SPON1: variants seen among roughly 807,000 people sequenced by gnomAD.
SPON1 encodes spondin 1, also known as spondin-1.
A neutral mutation model predicts 111.7 loss-of-function variants in SPON1; 52 were observed. That is an observed-to-expected ratio of 0.47 (90% confidence interval 0.37 to 0.59). The LOEUF is 0.59. SPON1 is among the 20% of genes least tolerant of loss of function. The probability of loss-of-function intolerance (pLI) is 0.00; values close to 1 mark genes in which losing one functional copy is unlikely to be tolerated. For synonymous variants in SPON1, 410 were observed against 395.8 expected, an observed-to-expected ratio of 1.04 and a Z score of -0.43; for missense variants, 957 against 1,068.5, an observed-to-expected ratio of 0.90 and a Z score of 1.46.
Position 14,083,017 on chromosome 11 carries a change from T to C in SPON1, c.676+2996T>C, listed in dbSNP as rs116255543. Reference sequence around the variant, plus strand: ...CCCAACATAAGTGGTTTATATGGGTTATAGCCATCAATCTTCCATGTATCA... The same window carrying C: ...CCCAACATAAGTGGTTTATATGGGTCATAGCCATCAATCTTCCATGTATCA... On this transcript the variant is annotated intron_variant, in intron 5 of 15. Transcript: ENST00000576479. Among the ~76,000 whole-genome samples, 1,058 of 152,330 alleles carry C rather than the reference T, an allele frequency of 6.9e-3. 23 individuals carry two copies. Among genetic ancestry groups the C allele is most frequent in the African/African-American group, 0.025 (1,019 of 41,586 alleles).
chr11:14,155,098 TC>T (rs1334346148), intron 6 of SPON1, among the ~76,000 whole-genome samples: 1 of 152,216 alleles, frequency 6.6e-6, no homozygotes, highest in Non-Finnish European at 1.5e-5. Flanking sequence ...CAGCTTTTGG[TC>T]ACAACAATTT....
chr11:14,252,206 G>C (rs963203634), intron 7 of SPON1, among the ~76,000 whole-genome samples: 2 of 152,264 alleles, frequency 1.3e-5, no homozygotes, highest in Non-Finnish European at 2.9e-5. Flanking sequence ...GTCTAAGCTG[G>C]GGAGAGGGAA....
intron 6 of SPON1, among the ~76,000 whole-genome samples, chr11:14,231,624 T>C (rs1554938743): frequency 6.6e-6 from 1 of 152,172 alleles, no homozygotes; most frequent in African/African-American, 2.4e-5. Flanking sequence ...ACTAGAAATA[T>C]ATACACACAC....
chr11:14,038,303 T>C (rs1463707035), intron 2 of SPON1, among the ~76,000 whole-genome samples: 1 of 151,908 alleles, frequency 6.6e-6, no homozygotes, highest in African/African-American at 2.4e-5. Context: ...CCATCTCTAC[T>C]AAAAATACAA....
At chr11:13,966,381 C>G (rs1848016514) in intron 1 of SPON1, among the ~76,000 whole-genome samples, 1 of 152,174 alleles carries the variant, frequency 6.6e-6, no homozygotes, top group Admixed American at 6.5e-5. Flanking sequence ...TTTCCCAGAT[C>G]ACAATTTCAA....
At chr11:14,027,675 T>C (rs1554915525) in intron 2 of SPON1, among the ~76,000 whole-genome samples, 1 of 152,202 alleles carries the variant, frequency 6.6e-6, no homozygotes, top group Non-Finnish European at 1.5e-5. Context: ...CCCAAACTAC[T>C]CAGGCGGAGC....
rs574906939 is a variant in SPON1 at position 14,150,411 on chromosome 11, TAAC to T, written c.825+14849_825+14851del. Among the ~76,000 whole-genome samples the T allele has an allele frequency of 7.0e-4, 106 of 151,932 alleles. 1 individual carries two copies. The highest frequency in any genetic ancestry group is 2.1e-3 in the African/African-American group (89 of 41,452). ...AATGTCACTGGAGCATGACTGTAAT[TAAC>T]AACAATCTACAGTATGTTTTCAAAT... is the stretch of plus-strand genomic sequence containing the variant. On this transcript the variant is annotated intron_variant, in intron 6 of 15. Transcript: ENST00000576479.
At position 14,135,612 on chromosome 11, in the gene SPON1, G is replaced by A. The variant is rs1554928002; in HGVS notation, c.825+44G>A. 1 of 1,588,956 alleles carries A rather than the reference G, an allele frequency of 6.3e-7. No individual in the cohort carries two copies. Among genetic ancestry groups the A allele is most frequent in the Non-Finnish European group, 8.6e-7 (1 of 1,160,572 alleles). The stretch of plus-strand genomic sequence containing the variant: ...AGAATGACCAAATAACAGAAATGCA[G>A]TCAAAGCACTCCTTAGATATCTTTC... On this transcript the variant is annotated intron_variant, in intron 6 of 15. Transcript: ENST00000576479. This position sits in a 1 kb window ranked among gnomAD's most constrained non-coding sequence, Gnocchi z 4.4.
At chr11:14,115,320 G>T (rs1012245696) in intron 5 of SPON1, among the ~76,000 whole-genome samples, 1 of 152,164 alleles carries the variant, frequency 6.6e-6, no homozygotes, top group African/African-American at 2.4e-5. Flanking sequence ...TGGGTAAATT[G>T]TAAGTCTATA....
chr11:14,133,854 GC>G (rs1227050273), intron 5 of SPON1, among the ~76,000 whole-genome samples: 2 of 152,172 alleles, frequency 1.3e-5, no homozygotes, highest in African/African-American at 4.8e-5. Flanking sequence ...TAATGAACAA[GC>G]AATTGGGCAA....
intron 3 of SPON1, among the ~76,000 whole-genome samples, chr11:14,069,831 CT>C (rs1848861328): frequency 1.3e-5 from 2 of 151,550 alleles, no homozygotes; most frequent in African/African-American, 4.9e-5. Flanking sequence ...TACCCTTTAA[CT>C]CTATCTACAA....
intron 3 of SPON1, among the ~76,000 whole-genome samples, chr11:14,065,844 T>C (rs1848828638): frequency 1.3e-5 from 2 of 152,180 alleles, no homozygotes; most frequent in African/African-American, 2.4e-5. Context: ...GCAAACCCTA[T>C]GTTAAGAACT....
intron 6 of SPON1, among the ~76,000 whole-genome samples, chr11:14,178,045 A>AACGCACACACACACAC (rs1848197529): frequency 7.0e-6 from 1 of 142,606 alleles, no homozygotes. Flanking sequence ...CACACACACA[A>AACGCACACACACACAC]ACACACACAC....
intron 5 of SPON1, among the ~76,000 whole-genome samples, chr11:14,083,582 C>T (rs111395468): frequency 0.014 from 2,175 of 152,168 alleles, 59 homozygotes; most frequent in African/African-American, 0.048. Context: ...TAACATCTTA[C>T]GTTGATCATT....
intron 6 of SPON1, among the ~76,000 whole-genome samples, chr11:14,173,364 C>T (rs1031186898): frequency 1.3e-5 from 2 of 152,176 alleles, no homozygotes; most frequent in Admixed American, 6.5e-5. Context: ...AAGGACTTCT[C>T]TCCATTGGTT....
At chr11:14,239,516 A>C (rs1247325867) in intron 6 of SPON1, among the ~76,000 whole-genome samples, 1 of 152,176 alleles carries the variant, frequency 6.6e-6, no homozygotes, top group African/African-American at 2.4e-5. Context: ...ACTTGAGCTC[A>C]GGAGTTTAAG....
chr11:14,254,830 A>C, intron 8 of SPON1, 101 bp downstream of exon 8: 1 of 1,199,670 alleles, frequency 8.3e-7, no homozygotes, highest in Non-Finnish European at 1.2e-6. Flanking sequence ...TCCTAGGTGA[A>C]CTTTCAGTCT....
intron 11 of SPON1, among the ~76,000 whole-genome samples, chr11:14,258,513 G>A (rs1554941479): frequency 2.0e-5 from 3 of 152,190 alleles, no homozygotes; most frequent in African/African-American, 7.2e-5. Flanking sequence ...CCCTTTCTCT[G>A]CCTGATAGAT....
chr11:14,097,923 G>T (rs1340996176), intron 5 of SPON1, among the ~76,000 whole-genome samples: 2 of 152,046 alleles, frequency 1.3e-5, no homozygotes, highest in Non-Finnish European at 2.9e-5. Context: ...TTGACTCTTG[G>T]CTTCCAGGAT....
Sources: gnomAD v4.1 joint callset for allele counts (sites outside exome capture counted in the v4.1 genomes callset) on GRCh38, gnomAD v4.1.1 for gene constraint, Gnocchi (gnomAD v3.1) non-coding constraint, MANE v1.5 for transcripts, NCBI Gene and HGNC (gene_info 2026-07-23, HGNC 2026-07-21) for gene names.